The following ANKH variants were observed in gnomAD, a reference collection of about 807,000 sequenced individuals.
ANKH encodes the protein mineralization regulator ANKH.
Under a neutral mutation model 49.0 loss-of-function variants are expected in ANKH, and 15 were observed. The observed-to-expected ratio is 0.31, with a 90% CI of 0.20 to 0.47. The LOEUF (loss-of-function observed/expected upper bound fraction) is 0.47. Among genes scored for constraint, ANKH ranks in the 20% least tolerant of loss-of-function variants. ANKH has a pLI of 1.00. For missense variants in ANKH, 429 were observed against 652.0 expected (o/e 0.66, Z 3.72); for synonymous variants, 273 against 260.0 (o/e 1.05, Z -0.48).
At chr5:14,761,372 G>A (rs936761165) in intron 2 of ANKH, among the ~76,000 whole-genome samples, 1 of 152,158 alleles carries the variant, frequency 6.6e-6, no homozygotes, top group Non-Finnish European at 1.5e-5. Context: ...TAAACTCTGG[G>A]GTGGCAGGAA....
At chr5:14,724,103 A>G (rs187736524) in intron 8 of ANKH, among the ~76,000 whole-genome samples, 60 of 152,284 alleles carry the variant, frequency 3.9e-4, no homozygotes, top group African/African-American at 1.4e-3. Flanking sequence ...GGATCACTTG[A>G]GGTCAAGAGT....
At chr5:14,801,933 T>C (rs1740576565) in intron 1 of ANKH, among the ~76,000 whole-genome samples, 1 of 152,204 alleles carries the variant, frequency 6.6e-6, no homozygotes, top group Non-Finnish European at 1.5e-5. Context: ...TAGGAGTGTG[T>C]GTGCACTAAC....
chr5:14,820,767 G>T (rs1462879270), intron 1 of ANKH, among the ~76,000 whole-genome samples: 1 of 152,198 alleles, frequency 6.6e-6, no homozygotes, highest in Non-Finnish European at 1.5e-5. Flanking sequence ...GTTTGGTAAA[G>T]GAGAGAATTT....
At chr5:14,797,794 A>G (rs1445586465) in intron 1 of ANKH, 14 of 1,611,222 alleles carry the variant, frequency 8.7e-6, no homozygotes, top group African/African-American at 1.3e-5. Flanking sequence ...TCCCACAGGC[A>G]GATGGTGTGG....
chr5:14,758,667 A>G, intron 2 of ANKH, 69 bp from the exon 3 acceptor site: 1 of 1,167,840 alleles, frequency 8.6e-7, no homozygotes, highest in Non-Finnish European at 1.3e-6. Flanking sequence ...TTTTGTTTCA[A>G]AAGCTTAAAA....
chr5:14,791,641 A>C (rs1203113077), intron 1 of ANKH, among the ~76,000 whole-genome samples: 1 of 152,144 alleles, frequency 6.6e-6, no homozygotes, highest in East Asian at 1.9e-4. Context: ...TTACTACTCA[A>C]TATTTATCCT....
intron 1 of ANKH, among the ~76,000 whole-genome samples, chr5:14,808,598 C>T (rs62353761): frequency 0.1 from 15,774 of 152,170 alleles, 887 homozygotes; most frequent in Admixed American, 0.12. Flanking sequence ...AACCCTGCCA[C>T]GCCATCAGAG....
rs1741422002 is a variant in ANKH at position 14,828,812 on chromosome 5, A to G, written c.96+42540T>C. 2.0e-5 allele frequency among the ~76,000 whole-genome samples: 3 copies of G among 152,230 alleles called. No individual in the cohort carries two copies. In the South Asian group the frequency reaches 6.2e-4, roughly 32 times the overall value. ...TCAGAGGGAGAAGAACAAGCTAGAAAACAACTTTGCCCAAGTCATAGGTAC... is the reference window on the plus strand; with the variant it reads ...TCAGAGGGAGAAGAACAAGCTAGAAGACAACTTTGCCCAAGTCATAGGTAC... On this transcript the variant is annotated intron_variant, in intron 1 of 11. Transcript: ENST00000284268.
intron 1 of ANKH, among the ~76,000 whole-genome samples, chr5:14,843,320 C>A (rs1005419985): frequency 6.6e-6 from 1 of 151,744 alleles, no homozygotes; most frequent in Non-Finnish European, 1.5e-5. Context: ...GGACTACAGG[C>A]GTATGCCACC....
intron 1 of ANKH, among the ~76,000 whole-genome samples, chr5:14,859,270 A>G (rs957580944): frequency 1.3e-5 from 2 of 152,178 alleles, no homozygotes; most frequent in Non-Finnish European, 2.9e-5. Flanking sequence ...ACCATAAGAC[A>G]GTTGTCTTTT....
intron 8 of ANKH, among the ~76,000 whole-genome samples, chr5:14,728,515 A>G (rs568152786): frequency 6.6e-6 from 1 of 152,328 alleles, no homozygotes; most frequent in East Asian, 1.9e-4. Flanking sequence ...ATGGGGTGGC[A>G]GTCTCCACCT....
intron 4 of ANKH, among the ~76,000 whole-genome samples, chr5:14,754,879 C>T (rs1459613725): frequency 6.6e-6 from 1 of 151,952 alleles, no homozygotes; most frequent in Non-Finnish European, 1.5e-5. Flanking sequence ...AGTTTGAGAC[C>T]AACCTCGCCA....
chr5:14,827,790 C>T (rs1042631248), intron 1 of ANKH, among the ~76,000 whole-genome samples: 3 of 152,120 alleles, frequency 2.0e-5, no homozygotes, highest in African/African-American at 7.2e-5. Context: ...GTGCTGATAA[C>T]TCAGTGATCT....
At position 14,709,470 on chromosome 5, in the gene ANKH, A is replaced by T. The variant is rs1412281329; in HGVS notation, c.*1727T>A. ...TGGGCACACCCCATCAGCACTGGGTACCCAGGAATGTGAATGCAACCCTGG... is the reference window on the plus strand; with the variant it reads ...TGGGCACACCCCATCAGCACTGGGTTCCCAGGAATGTGAATGCAACCCTGG... On this transcript the variant is annotated 3_prime_UTR_variant, in exon 12 of 12. Transcript: ENST00000284268. 6.6e-6 allele frequency: 1 copy of T among 152,232 alleles called. No individual in the cohort carries two copies. The highest frequency in any genetic ancestry group is 1.5e-5 in the Non-Finnish European group (1 of 68,052). 9.4% of individuals were successfully genotyped at this position (152,232 alleles called of 1,614,324 possible).
At chr5:14,863,065 C>T (rs1735545229) in intron 1 of ANKH, among the ~76,000 whole-genome samples, 1 of 152,118 alleles carries the variant, frequency 6.6e-6, no homozygotes, top group African/African-American at 2.4e-5. Flanking sequence ...TTTGTGTTAT[C>T]ATTAAGTGGT....
rs938428953 is a variant in ANKH at position 14,707,242 on chromosome 5, A to C, written c.*3955T>G. 5 of 151,528 alleles carry C rather than the reference A, an allele frequency of 3.3e-5. No homozygotes were observed. The highest frequency in any genetic ancestry group is 4.9e-5 in the African/African-American group (2 of 41,120). 9.4% of individuals were successfully genotyped at this position (151,528 alleles called of 1,614,324 possible). On this transcript the variant is annotated 3_prime_UTR_variant, in exon 12 of 12. Coordinates refer to ENST00000284268, the MANE Select transcript of ANKH (RefSeq NM_054027.6). ...CAAGGAAATGTAATTACAACACTAT[A>C]AATACTTGCTATTTTGTGGAACACA...
At chr5:14,863,175 A>G (rs1452495420) in intron 1 of ANKH, among the ~76,000 whole-genome samples, 1 of 152,202 alleles carries the variant, frequency 6.6e-6, no homozygotes, top group Non-Finnish European at 1.5e-5. Flanking sequence ...TTGACTGGCA[A>G]CTGGTTAGTA....
Position 14,741,855 on chromosome 5 carries a change from G to C in ANKH, c.983C>G (p.Thr328Ser). 6.2e-7 allele frequency: 1 copy of C among 1,614,130 alleles called. No individual in the cohort carries two copies. The highest frequency in any genetic ancestry group is 8.5e-7 in the Non-Finnish European group (1 of 1,180,014). ...TVTAAHIKKF[T>S]FVCMALSLTL... ...GAGTGACAGAGCCATGCAGACGAAG[G>C]TGAACTTCTTGATGTGGGCTGCCGT... Residue 328 changes from threonine (T) to serine (S), a missense_variant, in exon 8 of 12, where the codon ACC becomes AGC. Transcript: ENST00000284268.
intron 1 of ANKH, among the ~76,000 whole-genome samples, chr5:14,796,190 A>G (rs934071925): frequency 2.0e-5 from 3 of 151,718 alleles, no homozygotes; most frequent in Admixed American, 1.3e-4. Flanking sequence ...AATGTAGAAA[A>G]GCAATTTATT....
Sources: gnomAD v4.1 joint callset for allele counts (sites outside exome capture counted in the v4.1 genomes callset) on GRCh38, gnomAD v4.1.1 for gene constraint, MANE v1.5 for transcripts, NCBI Gene and HGNC (gene_info 2026-07-23, HGNC 2026-07-21) for gene names.